PIBF1: variants seen among roughly 807,000 people sequenced by gnomAD.
PIBF1 encodes the protein progesterone-induced-blocking factor 1.
A neutral mutation model predicts 112.5 loss-of-function variants in PIBF1; 90 were observed. The observed-to-expected ratio is 0.80, with a 90% CI of 0.67 to 0.95. The LOEUF (loss-of-function observed/expected upper bound fraction) is 0.95. Among genes scored for constraint, PIBF1 ranks in the 40% least tolerant of loss-of-function variants. The pLI is 0.00. For missense variants in PIBF1, 915 were observed against 852.3 expected, an observed-to-expected ratio of 1.07 and a Z score of -0.92; for synonymous variants, 301 against 288.6, an observed-to-expected ratio of 1.04 and a Z score of -0.44.
intron 11 of PIBF1, among the ~76,000 whole-genome samples, chr13:72,901,260 A>G (rs980964301): frequency 5.3e-5 from 8 of 152,192 alleles, no homozygotes; most frequent in South Asian, 2.1e-4. Context: ...TGAATAGACA[A>G]TTCTCAAAAG....
intron 14 of PIBF1, among the ~76,000 whole-genome samples, chr13:72,932,780 G>A (rs1240070113): frequency 6.6e-6 from 1 of 152,152 alleles, no homozygotes; most frequent in African/African-American, 2.4e-5. Context: ...TTAATAAAAT[G>A]TATTTTACTA....
intron 10 of PIBF1, among the ~76,000 whole-genome samples, chr13:72,868,861 ACTT>A (rs1368618216): frequency 5.4e-5 from 8 of 149,192 alleles, no homozygotes; most frequent in African/African-American, 7.4e-5. Flanking sequence ...AGATGAAACT[ACTT>A]CTTCCCCATT....
chr13:72,869,425 A>G (rs1219422879), intron 10 of PIBF1, among the ~76,000 whole-genome samples: 3 of 137,340 alleles, frequency 2.2e-5, no homozygotes, highest in Admixed American at 7.8e-5. Context: ...ATGAGAGCAC[A>G]TGGACACAGG....
intron 6 of PIBF1, among the ~76,000 whole-genome samples, chr13:72,825,136 A>C (rs912172664): frequency 5.9e-5 from 9 of 152,202 alleles, no homozygotes; most frequent in Non-Finnish European, 1.2e-4. Flanking sequence ...TATGATGATA[A>C]TAGATCCTTG....
At chr13:72,939,599 A>C (rs753923009) in intron 14 of PIBF1, among the ~76,000 whole-genome samples, 5 of 152,124 alleles carry the variant, frequency 3.3e-5, no homozygotes, top group African/African-American at 4.8e-5. Context: ...TCTGTTGTGT[A>C]TATTTACCTT....
intron 9 of PIBF1, among the ~76,000 whole-genome samples, chr13:72,847,211 A>G (rs1002932628): frequency 9.2e-5 from 14 of 152,318 alleles, no homozygotes; most frequent in African/African-American, 1.4e-4. Context: ...TTTGGGTTCA[A>G]TGTTTATCTA....
chr13:72,915,262 A>C (rs957261152), intron 12 of PIBF1, among the ~76,000 whole-genome samples: 1 of 152,124 alleles, frequency 6.6e-6, no homozygotes, highest in Admixed American at 6.6e-5. Context: ...TCCTTCACTG[A>C]ATCTCAGTCT....
chr13:72,835,248 A>G lies in PIBF1; in HGVS notation c.1103A>G (p.His368Arg), dbSNP rs1398435830. ...MYEKYVASRDHYKTEYENKLH... is the reference protein window; with the variant it reads ...MYEKYVASRDRYKTEYENKLH... ...TTCCTTTTCACTCCTTGCAGAGACC[A>G]TTATAAAACAGAATATGAAAATAAA... The change falls in exon 9 of 18, where the codon CAT becomes CGT. Residue 368 changes from histidine (H) to arginine (R), a missense_variant. By Grantham distance (29) the His-to-Arg change is conservative. Coordinates refer to ENST00000326291, the MANE Select transcript of PIBF1 (RefSeq NM_006346.4). 4.5e-6 allele frequency: 7 copies of G among 1,562,616 alleles called. No homozygotes were observed. The highest frequency in any genetic ancestry group is 1.2e-5 in the South Asian group (1 of 81,898).
chr13:73,005,382 G>A (rs1449895213), intron 17 of PIBF1, among the ~76,000 whole-genome samples: 1 of 151,736 alleles, frequency 6.6e-6, no homozygotes, highest in African/African-American at 2.4e-5. Flanking sequence ...TCTGAGGTGG[G>A]AGGATCACAT....
chr13:72,894,739 A>C (rs886828812), intron 11 of PIBF1, among the ~76,000 whole-genome samples: 2 of 145,724 alleles, frequency 1.4e-5, no homozygotes, highest in Admixed American at 7.1e-5. Context: ...GCATATATGT[A>C]CAATATATAA....
At chr13:72,902,488 TG>T (rs914182337) in intron 11 of PIBF1, among the ~76,000 whole-genome samples, 4 of 151,432 alleles carry the variant, frequency 2.6e-5, no homozygotes, top group African/African-American at 9.7e-5. Flanking sequence ...ATATACCAAG[TG>T]GGTGGTATTA....
intron 3 of PIBF1, among the ~76,000 whole-genome samples, chr13:72,793,546 CTT>C (rs1378824181): frequency 6.6e-6 from 1 of 152,164 alleles, no homozygotes; most frequent in Non-Finnish European, 1.5e-5. Context: ...AGAAACAATA[CTT>C]TGAGAACCAC....
chr13:72,949,352 G>C (rs2042237561), intron 14 of PIBF1, among the ~76,000 whole-genome samples: 1 of 109,164 alleles, frequency 9.2e-6, no homozygotes, highest in Admixed American at 1.5e-4. Context: ...GTCTCGCTCT[G>C]TCAGCCAGGC....
chr13:72,938,825 A>G (rs901803316), intron 14 of PIBF1, among the ~76,000 whole-genome samples: 1 of 152,178 alleles, frequency 6.6e-6, no homozygotes, highest in Non-Finnish European at 1.5e-5. Context: ...ATCCTCACCA[A>G]TGCTTATTTT....
intron 6 of PIBF1, among the ~76,000 whole-genome samples, chr13:72,823,087 T>C (rs78725357): frequency 0.022 from 3,345 of 152,216 alleles, 138 homozygotes; most frequent in African/African-American, 0.076. Context: ...GAGTGAAACT[T>C]CATCTCTTAA....
chr13:72,912,016 G>GGAAA (rs1566438787), intron 12 of PIBF1, among the ~76,000 whole-genome samples: 2 of 151,170 alleles, frequency 1.3e-5, no homozygotes, highest in African/African-American at 4.9e-5. Context: ...AAGGAAGGAA[G>GGAAA]GAAAGAGAAA....
intron 12 of PIBF1, among the ~76,000 whole-genome samples, chr13:72,914,525 A>G (rs1202659673): frequency 1.3e-5 from 2 of 152,074 alleles, no homozygotes; most frequent in Admixed American, 6.6e-5. Flanking sequence ...TTTATTTTCC[A>G]TCACTTAACT....
chr13:72,885,424 G>T (rs979550214), intron 10 of PIBF1, among the ~76,000 whole-genome samples: 1 of 151,870 alleles, frequency 6.6e-6, no homozygotes, highest in Non-Finnish European at 1.5e-5. Flanking sequence ...AACCTATTTA[G>T]CATTCTAATT....
At chr13:72,988,166 T>G (rs1468403956) in intron 16 of PIBF1, among the ~76,000 whole-genome samples, 1 of 152,076 alleles carries the variant, frequency 6.6e-6, no homozygotes, top group Non-Finnish European at 1.5e-5. Context: ...TGGCCCTTCT[T>G]GAGTCTTTGA....
Sources: allele counts gnomAD v4.1 joint callset (sites outside exome capture counted in the v4.1 genomes callset), GRCh38; gene constraint gnomAD v4.1.1; transcripts MANE v1.5; gene names NCBI Gene and HGNC (gene_info 2026-07-23, HGNC 2026-07-21).